ROBO2: variants seen among roughly 807,000 people sequenced by gnomAD.
ROBO2 encodes roundabout homolog 2.
In ROBO2, 53 loss-of-function variants were observed where a neutral mutation model predicts 160.8. That is an observed-to-expected ratio of 0.33 (90% CI 0.26 to 0.41). The LOEUF (loss-of-function observed/expected upper bound fraction) is 0.41. Among genes scored for constraint, ROBO2 ranks in the 10% least tolerant of loss-of-function variants. The probability of loss-of-function intolerance (pLI) is 1.00; values close to 1 mark genes in which losing one functional copy is unlikely to be tolerated. For synonymous variants in ROBO2, 664 were observed against 611.7 expected (o/e 1.09, Z -1.26); for missense variants, 1,577 against 1,722.4 (o/e 0.92, Z 1.49).
At chr3:76,546,801 A>C (rs2083130615) in intron 2 of ROBO2, among the ~76,000 whole-genome samples, 1 of 151,640 alleles carries the variant, frequency 6.6e-6, no homozygotes. Flanking sequence ...TTTTTTTTTA[A>C]GTCTAACACT....
At chr3:76,200,928 A>G (rs933118029) in intron 2 of ROBO2, among the ~76,000 whole-genome samples, 4 of 152,218 alleles carry the variant, frequency 2.6e-5, no homozygotes, top group African/African-American at 9.6e-5. Context: ...TGAAAAAATA[A>G]AAATAAAGAT....
At chr3:76,254,380 T>C (rs1417928237) in intron 2 of ROBO2, among the ~76,000 whole-genome samples, 1 of 152,100 alleles carries the variant, frequency 6.6e-6, no homozygotes, top group Non-Finnish European at 1.5e-5. Flanking sequence ...CTTGTTTATA[T>C]GATCAACACA....
intron 2 of ROBO2, among the ~76,000 whole-genome samples, chr3:77,294,009 G>A (rs1310693037): frequency 1.4e-5 from 2 of 142,410 alleles, no homozygotes; most frequent in Non-Finnish European, 3.0e-5. Context: ...CGGGTACACT[G>A]AGGCTAGATC....
chr3:76,952,918 A>G (rs1327465667), intron 2 of ROBO2, among the ~76,000 whole-genome samples: 3 of 152,172 alleles, frequency 2.0e-5, no homozygotes, highest in Non-Finnish European at 4.4e-5. Context: ...GGAGTTTGTA[A>G]GTCTGGCATT....
chr3:77,431,841 A>G (rs571795953), intron 2 of ROBO2, among the ~76,000 whole-genome samples: 96 of 152,322 alleles, frequency 6.3e-4, no homozygotes, highest in African/African-American at 7.5e-4. Flanking sequence ...CTATCAGTCT[A>G]TAAGGAAGTC....
At chr3:76,813,673 T>A (rs935304720) in intron 2 of ROBO2, among the ~76,000 whole-genome samples, 3 of 152,260 alleles carry the variant, frequency 2.0e-5, no homozygotes, top group Non-Finnish European at 4.4e-5. Flanking sequence ...GCGCAGCATC[T>A]ATCTCTATTG....
At chr3:76,781,239 C>G (rs10440079) in intron 2 of ROBO2, among the ~76,000 whole-genome samples, 1,548 of 150,602 alleles carry the variant, frequency 0.01, 22 homozygotes, top group African/African-American at 0.035. Context: ...TATAAAAATG[C>G]AACTGAAACT....
intron 2 of ROBO2, among the ~76,000 whole-genome samples, chr3:77,430,001 C>T (rs1282379437): frequency 6.6e-6 from 1 of 152,132 alleles, no homozygotes; most frequent in Non-Finnish European, 1.5e-5. Context: ...GTGCAATGGA[C>T]AGTGATCGAT....
At chr3:76,746,493 C>A (rs2093894583) in intron 2 of ROBO2, among the ~76,000 whole-genome samples, 1 of 152,030 alleles carries the variant, frequency 6.6e-6, no homozygotes, top group African/African-American at 2.4e-5. Context: ...TCTCCAGCAC[C>A]TGTTGTTTCC....
At chr3:77,339,188 T>C (rs868148092) in intron 2 of ROBO2, among the ~76,000 whole-genome samples, 3 of 152,140 alleles carry the variant, frequency 2.0e-5, no homozygotes, top group African/African-American at 7.2e-5. Flanking sequence ...ACACTCTTTT[T>C]TTAATCATAG....
At chr3:76,580,328 G>GTTTTTTTTTTTTTTTTTTTTTTTTTTTT (rs748888426) in intron 2 of ROBO2, among the ~76,000 whole-genome samples, 8 of 67,250 alleles carry the variant, frequency 1.2e-4, no homozygotes, top group Admixed American at 1.7e-4. Context: ...TTTTTTTTTT[G>GTTTTTTTTTTTTTTTTTTTTTTTTTTTT]TTTTTTTTTT....
intron 2 of ROBO2, among the ~76,000 whole-genome samples, chr3:76,178,993 G>C (rs1359889995): frequency 6.6e-6 from 1 of 152,012 alleles, no homozygotes; most frequent in African/African-American, 2.4e-5. Flanking sequence ...GAGCTTTCAT[G>C]TTCACACTGC....
At chr3:76,172,528 G>A (rs7636341) in intron 2 of ROBO2, among the ~76,000 whole-genome samples, 92,618 of 151,222 alleles carry the variant, frequency 0.61, 29,482 homozygotes, top group African/African-American at 0.8. Flanking sequence ...TGCTTGAACA[G>A]ACAAACCAAC....
chr3:76,448,109 A>G (rs963288641), intron 2 of ROBO2, among the ~76,000 whole-genome samples: 5 of 152,026 alleles, frequency 3.3e-5, no homozygotes, highest in Non-Finnish European at 5.9e-5. Flanking sequence ...AAAAACAAAC[A>G]AACAAAAATA....
chr3:77,206,824 A>C (rs2083504756), intron 2 of ROBO2, among the ~76,000 whole-genome samples: 1 of 152,114 alleles, frequency 6.6e-6, no homozygotes, highest in African/African-American at 2.4e-5. Flanking sequence ...ATTGATAGAG[A>C]ATTCAAGAAT....
chr3:76,075,770 G>A (rs148663757), intron 2 of ROBO2, among the ~76,000 whole-genome samples: 83 of 152,202 alleles, frequency 5.5e-4, no homozygotes, highest in African/African-American at 2.0e-3. Context: ...TAAAGGCCAC[G>A]TTAGTGCCAG....
intron 2 of ROBO2, among the ~76,000 whole-genome samples, chr3:77,315,445 C>T (rs2063897043): frequency 6.6e-6 from 1 of 152,192 alleles, no homozygotes; most frequent in Non-Finnish European, 1.5e-5. Flanking sequence ...ACAGTAAATG[C>T]TGGTGAAGTT....
At chr3:76,272,921 T>C (rs1256388035) in intron 2 of ROBO2, among the ~76,000 whole-genome samples, 1 of 22,586 alleles carries the variant, frequency 4.4e-5, no homozygotes, top group East Asian at 7.7e-4. Context: ...ATATAAAATA[T>C]ATATATTTAT....
At chr3:77,440,940 CTT>C (rs2079856035) in intron 2 of ROBO2, among the ~76,000 whole-genome samples, 1 of 152,080 alleles carries the variant, frequency 6.6e-6, no homozygotes, top group Non-Finnish European at 1.5e-5. Context: ...TCTCTGCGTT[CTT>C]TTCTCCCATG....
Sources: gnomAD v4.1 joint callset for allele counts (sites outside exome capture counted in the v4.1 genomes callset) on GRCh38, gnomAD v4.1.1 for gene constraint, MANE v1.5 for transcripts, NCBI Gene and HGNC (gene_info 2026-07-23, HGNC 2026-07-21) for gene names.